The following GSG1L variants were observed in gnomAD, a reference collection of about 807,000 sequenced individuals.
GSG1L encodes the protein germ cell-specific gene 1-like protein.
In GSG1L, 24 loss-of-function variants were observed where a neutral mutation model predicts 42.1. That is an observed-to-expected ratio of 0.57 (90% CI 0.41 to 0.80). The LOEUF (loss-of-function observed/expected upper bound fraction) is 0.80, where lower values mean the gene tolerates loss of function less well. GSG1L is among the 30% of genes least tolerant of loss of function. The pLI, the probability that GSG1L is intolerant of heterozygous loss-of-function variation, is 0.00. For synonymous variants in GSG1L, 215 were observed against 203.5 expected (o/e 1.06, Z -0.48); for missense variants, 445 against 472.2 (o/e 0.94, Z 0.53).
intron 2 of GSG1L, among the ~76,000 whole-genome samples, chr16:27,911,262 T>TCTCG (rs1046926991): frequency 2.6e-4 from 30 of 117,646 alleles, no homozygotes; most frequent in African/African-American, 9.2e-4. Context: ...ATCACCTCTC[T>TCTCG]CTCGCTCTCT....
chr16:27,831,573 A>C (rs1453493894), intron 4 of GSG1L, among the ~76,000 whole-genome samples: 1 of 152,138 alleles, frequency 6.6e-6, no homozygotes, highest in Non-Finnish European at 1.5e-5. Context: ...GCAAAGAAAA[A>C]TACCTTGCAT....
chr16:27,862,054 C>G (rs2083660015), intron 3 of GSG1L, among the ~76,000 whole-genome samples: 1 of 152,202 alleles, frequency 6.6e-6, no homozygotes, highest in African/African-American at 2.4e-5. Context: ...GCCTGCCAAG[C>G]TGCCGTTTAT....
intron 1 of GSG1L, among the ~76,000 whole-genome samples, chr16:28,041,287 C>T (rs971402631): frequency 2.0e-5 from 3 of 151,862 alleles, no homozygotes; most frequent in African/African-American, 7.3e-5. Context: ...CCCTTCTCTA[C>T]AAAAAATACA....
intron 2 of GSG1L, among the ~76,000 whole-genome samples, chr16:27,948,655 G>T (rs1469046760): frequency 6.7e-6 from 1 of 149,282 alleles, no homozygotes; most frequent in Non-Finnish European, 1.5e-5. Context: ...TGTTGCCCAG[G>T]CTGGAGTGCA....
At chr16:28,003,925 T>C (rs1214464658) in intron 1 of GSG1L, among the ~76,000 whole-genome samples, 1 of 152,114 alleles carries the variant, frequency 6.6e-6, no homozygotes, top group African/African-American at 2.4e-5. Context: ...GGAAGACTGC[T>C]CTGAAAAGCT....
chr16:27,815,792 G>C (rs1314092291), intron 5 of GSG1L, among the ~76,000 whole-genome samples: 2 of 152,088 alleles, frequency 1.3e-5, no homozygotes, highest in Admixed American at 6.6e-5. Flanking sequence ...AATATAGGGA[G>C]ATCTAGTCTC....
At chr16:27,986,569 C>T (rs1206150098) in intron 1 of GSG1L, among the ~76,000 whole-genome samples, 2 of 151,282 alleles carry the variant, frequency 1.3e-5, no homozygotes, top group Non-Finnish European at 1.5e-5. Context: ...GAAACACTTG[C>T]GACAAAGGGA....
rs565665411 is a variant in GSG1L, at chr16:27,886,641, T to A, written c.398-2003A>T. The stretch of plus-strand genomic sequence containing the variant: ...ACTGGAAATACAGCCCAGGGGCTCT[T>A]GACGAGGTCAAGGCTAGAGATAGAG... On this transcript the variant is annotated intron_variant, in intron 2 of 6. Transcript: ENST00000447459. Among the ~76,000 whole-genome samples the A allele has an allele frequency of 2.1e-3, 327 of 152,340 alleles. 2 individuals are homozygous for A. The highest frequency in any genetic ancestry group is 0.012 in the South Asian group (60 of 4,828).
At chr16:27,938,319 G>A (rs1435352315) in intron 2 of GSG1L, among the ~76,000 whole-genome samples, 1 of 149,616 alleles carries the variant, frequency 6.7e-6, no homozygotes, top group Non-Finnish European at 1.5e-5. Context: ...GGAGATGGAG[G>A]TTGGGTTGCA....
chr16:27,979,749 G>GGAAAGA (rs1555512127), intron 1 of GSG1L, among the ~76,000 whole-genome samples: 1 of 99,104 alleles, frequency 1.0e-5, no homozygotes, highest in African/African-American at 4.2e-5. Flanking sequence ...AAGAAAGAAA[G>GGAAAGA]GAAAGAAAGA....
chr16:27,942,766 A>C (rs1324288838), intron 2 of GSG1L, among the ~76,000 whole-genome samples: 1 of 152,212 alleles, frequency 6.6e-6, no homozygotes, highest in Non-Finnish European at 1.5e-5. Context: ...GATGAATGCC[A>C]AGTATTGTCA....
chr16:27,990,607 T>C (rs2085444795), intron 1 of GSG1L, among the ~76,000 whole-genome samples: 1 of 152,198 alleles, frequency 6.6e-6, no homozygotes, highest in Middle Eastern at 3.2e-3. Context: ...AATGACACTT[T>C]CTAGCAGGTC....
intron 2 of GSG1L, among the ~76,000 whole-genome samples, chr16:27,906,796 A>G (rs1209315211): frequency 1.3e-5 from 2 of 152,054 alleles, no homozygotes; most frequent in South Asian, 4.2e-4. Context: ...CCTTTGCCTC[A>G]GTTTACCCGT....
intron 4 of GSG1L, among the ~76,000 whole-genome samples, chr16:27,838,703 G>A (rs1283199844): frequency 6.6e-6 from 1 of 152,124 alleles, no homozygotes; most frequent in Non-Finnish European, 1.5e-5. Context: ...AGACCAGAGG[G>A]GTACAGATTC....
chr16:28,028,422 C>T (rs570118810), intron 1 of GSG1L, among the ~76,000 whole-genome samples: 1 of 152,020 alleles, frequency 6.6e-6, no homozygotes, highest in Non-Finnish European at 1.5e-5. Flanking sequence ...GGGATTGGAA[C>T]CTAGGCCTAC....
rs568701257 is a variant in GSG1L at position 27,880,870 on chromosome 16, C to T, written c.550+3616G>A. On this transcript the variant is annotated intron_variant, in intron 3 of 6. Transcript: ENST00000447459. Reference sequence around the variant, plus strand: ...GCAGGGGAAGAAAAGGAGAGATGAACCTGCTGATGAAGGAGAGGGGACTGG... The same window carrying T: ...GCAGGGGAAGAAAAGGAGAGATGAATCTGCTGATGAAGGAGAGGGGACTGG... Among the ~76,000 whole-genome samples the T allele has an allele frequency of 1.2e-4, 18 of 151,922 alleles. No individual in the cohort carries two copies. The South Asian group carries it at 3.4e-3, about 28-fold the overall frequency.
chr16:28,024,505 C>T (rs2085879925), intron 1 of GSG1L, among the ~76,000 whole-genome samples: 2 of 152,076 alleles, frequency 1.3e-5, no homozygotes, highest in Admixed American at 6.6e-5. Context: ...AGATAACAGG[C>T]CCCGGAACAG....
intron 3 of GSG1L, among the ~76,000 whole-genome samples, chr16:27,866,658 G>A (rs994540270): frequency 6.6e-5 from 10 of 151,798 alleles, no homozygotes; most frequent in Admixed American, 3.3e-4. Flanking sequence ...TTCAACCTCC[G>A]CCCCCCAGGT....
At chr16:27,928,526 A>G (rs2141070103) in intron 2 of GSG1L, among the ~76,000 whole-genome samples, 1 of 55,302 alleles carries the variant, frequency 1.8e-5, no homozygotes, top group Middle Eastern at 0.013. Context: ...AGAAAACAAA[A>G]CAAAACAAAA....
Sources: gnomAD v4.1 joint callset for allele counts (sites outside exome capture counted in the v4.1 genomes callset) on GRCh38, gnomAD v4.1.1 for gene constraint, MANE v1.5 for transcripts, NCBI Gene and HGNC (gene_info 2026-07-23, HGNC 2026-07-21) for gene names.